ARHGAP39: variants seen among roughly 807,000 people sequenced by gnomAD.
ARHGAP39 encodes the protein rho GTPase-activating protein 39.
Under a neutral mutation model 106.9 loss-of-function variants are expected in ARHGAP39, and 44 were observed. That is an observed-to-expected ratio of 0.41 (90% confidence interval 0.32 to 0.53). ARHGAP39 has a LOEUF of 0.53. ARHGAP39 is among the 20% of genes least tolerant of loss of function. The pLI is 0.21. For synonymous variants in ARHGAP39, 768 were observed against 693.2 expected, an observed-to-expected ratio of 1.11 and a Z score of -1.69; for missense variants, 1,496 against 1,577.3, an observed-to-expected ratio of 0.95 and a Z score of 0.87.
At chr8:144,582,934 T>G (rs1450329122) in intron 2 of ARHGAP39, among the ~76,000 whole-genome samples, 2 of 151,852 alleles carry the variant, frequency 1.3e-5, no homozygotes, top group African/African-American at 4.8e-5. Flanking sequence ...TGCCAACAAC[T>G]CCCCCCAAAC....
chr8:144,572,462 A>G (rs1331033290), intron 3 of ARHGAP39, among the ~76,000 whole-genome samples: 1 of 152,180 alleles, frequency 6.6e-6, no homozygotes, highest in Non-Finnish European at 1.5e-5. Flanking sequence ...CTTACACCTT[A>G]TACAAAAATT....
chr8:144,569,555 T>C (rs973613449), intron 3 of ARHGAP39, among the ~76,000 whole-genome samples: 1 of 152,224 alleles, frequency 6.6e-6, no homozygotes, highest in African/African-American at 2.4e-5. Flanking sequence ...AGTCCTTTTA[T>C]GTAAAATTCT....
At chr8:144,665,391 AT>A (rs1821937561) in intron 1 of ARHGAP39, among the ~76,000 whole-genome samples, 3 of 152,240 alleles carry the variant, frequency 2.0e-5, no homozygotes, top group Admixed American at 2.0e-4. Context: ...AGCAGCACAA[AT>A]TTGCATAAGT....
At chr8:144,537,343 G>T (rs560262656) in intron 7 of ARHGAP39, among the ~76,000 whole-genome samples, 1 of 151,842 alleles carries the variant, frequency 6.6e-6, no homozygotes, top group Non-Finnish European at 1.5e-5. Context: ...ACAGGACTGA[G>T]GGGTGCTTGT....
At position 144,586,239 on chromosome 8, in the gene ARHGAP39, C is replaced by T. The variant is rs1819181283; in HGVS notation, c.81-4962G>A. On this transcript the variant is annotated intron_variant, in intron 2 of 11. Transcript: ENST00000377307. The surrounding 1 kb of genome is among the most constrained non-coding windows in gnomAD (Gnocchi z 4.2). ...CAAGTGATCTGCCCGCCTTGGCTTC[C>T]CAAAGTGTTGGGATTACAGGAGTGA... The T allele has an allele frequency of 6.6e-6, 1 of 152,300 alleles. No individual in the cohort carries two copies. The highest frequency in any genetic ancestry group is 1.5e-5 in the Non-Finnish European group (1 of 68,100). The allele number at this position is 152,300 out of a possible 1,614,324, so 9.4% of individuals were successfully genotyped here. A position where few individuals can be genotyped will look rare whatever the true frequency, so the allele number is the denominator to read the frequency against.
intron 2 of ARHGAP39, among the ~76,000 whole-genome samples, chr8:144,601,153 C>A (rs1354348096): frequency 2.4e-5 from 3 of 122,564 alleles, no homozygotes; most frequent in African/African-American, 6.3e-5. Flanking sequence ...TGCTCGTGTA[C>A]CTGTGTGTGT....
chr8:144,630,846 T>C (rs553330386), intron 1 of ARHGAP39, among the ~76,000 whole-genome samples: 3 of 152,394 alleles, frequency 2.0e-5, no homozygotes, highest in South Asian at 4.1e-4. Context: ...AGTAAGTTTC[T>C]GTTGTCTATA....
At chr8:144,636,407 T>C (rs1338520290) in intron 1 of ARHGAP39, among the ~76,000 whole-genome samples, 1 of 152,128 alleles carries the variant, frequency 6.6e-6, no homozygotes, top group Non-Finnish European at 1.5e-5. Context: ...ACTGAGGGAC[T>C]AGGGGGAGGA....
chr8:144,695,804 T>C, the ARHGAP39 span, among the ~76,000 whole-genome samples: 1 of 152,162 alleles, frequency 6.6e-6, no homozygotes, highest in Non-Finnish European at 1.5e-5. Context: ...ACGCGGGTCG[T>C]TGGGCGTTAT....
chr8:144,602,070 CAT>C (rs1563700198), intron 2 of ARHGAP39, among the ~76,000 whole-genome samples: 1 of 122,964 alleles, frequency 8.1e-6, no homozygotes. Flanking sequence ...CGTGCGTGCT[CAT>C]GTACCTGTGT....
intron 6 of ARHGAP39, among the ~76,000 whole-genome samples, chr8:144,543,092 C>T (rs112490696): frequency 9.2e-5 from 14 of 152,102 alleles, no homozygotes; most frequent in Admixed American, 2.6e-4. Flanking sequence ...GCCTCAGCCT[C>T]CCAAGTAGTT....
chr8:144,616,455 G>A (rs558446457), intron 1 of ARHGAP39, among the ~76,000 whole-genome samples: 1 of 152,342 alleles, frequency 6.6e-6, no homozygotes, highest in African/African-American at 2.4e-5. Context: ...CACTACAAGG[G>A]TCAGACCCCT....
In ARHGAP39 at chr8:144,537,776, A is replaced by G. The variant is rs762776353; in HGVS notation, c.2559T>C (p.Thr853=). 5.6e-6 allele frequency: 9 copies of G among 1,614,062 alleles called. No homozygotes were observed. Among genetic ancestry groups the G allele is most frequent in the Admixed American group, 1.7e-5 (1 of 60,024 alleles). ...TCTTTCTCAATTTGGACTTCTTCTT[A>G]GTGTTTCTTTCCAGGAGCTCTTTTA... ...QHIKELLERN[T]KKKSKLRKKP... The change falls in exon 7 of 12, where the codon ACT becomes ACC. Residue 853 remains threonine (T), a synonymous_variant. Transcript: ENST00000377307.
chr8:144,695,849 C>T, the ARHGAP39 span, among the ~76,000 whole-genome samples: 2 of 152,316 alleles, frequency 1.3e-5, no homozygotes, highest in African/African-American at 4.8e-5. Flanking sequence ...GCGGATATTG[C>T]TCGCCACAGT....
intron 2 of ARHGAP39, among the ~76,000 whole-genome samples, chr8:144,601,252 G>GTGCA (rs1491490233): frequency 1.4e-5 from 2 of 141,198 alleles, no homozygotes; most frequent in East Asian, 2.2e-4. Flanking sequence ...GCATGGAGGC[G>GTGCA]TGTGTGCTCG....
At chr8:144,602,587 T>G (rs1400015465) in intron 2 of ARHGAP39, among the ~76,000 whole-genome samples, 1 of 99,510 alleles carries the variant, frequency 1.0e-5, no homozygotes. Flanking sequence ...TGTGCATGTG[T>G]GTGGAGGTGT....
chr8:144,561,837 G>A (rs926404052), intron 3 of ARHGAP39, among the ~76,000 whole-genome samples: 1 of 132,248 alleles, frequency 7.6e-6, no homozygotes, highest in African/African-American at 3.0e-5. Flanking sequence ...GTTTCCATCG[G>A]GCTCCAGTGG....
At chr8:144,554,308 C>T (rs930044760) in intron 4 of ARHGAP39, among the ~76,000 whole-genome samples, 13 of 152,306 alleles carry the variant, frequency 8.5e-5, no homozygotes, top group South Asian at 2.1e-4. Context: ...CTTAGCTCAG[C>T]GACCCACCCC....
rs1008858480 is a variant in ARHGAP39, at chr8:144,585,685, T to C, written c.81-4408A>G. 1.3e-5 allele frequency among the ~76,000 whole-genome samples: 2 copies of C among 152,194 alleles called. No homozygotes were observed. Among genetic ancestry groups the C allele is most frequent in the Non-Finnish European group, 2.9e-5 (2 of 68,024 alleles). On this transcript the variant is annotated intron_variant, in intron 2 of 11. Coordinates refer to ENST00000377307, the MANE Select transcript of ARHGAP39 (RefSeq NM_025251.3). This position sits in a 1 kb window ranked among gnomAD's most constrained non-coding sequence, Gnocchi z 4.6. The stretch of plus-strand genomic sequence containing the variant: ...TGGCGGGGCCAGGACCTCCCGCCCA[T>C]GGTGCCACGCGCTGCAGCCTGGGCC...
Sources: allele counts gnomAD v4.1 joint callset (sites outside exome capture counted in the v4.1 genomes callset), GRCh38; gene constraint gnomAD v4.1.1; non-coding constraint Gnocchi (gnomAD v3.1); transcripts MANE v1.5; gene names NCBI Gene and HGNC (gene_info 2026-07-23, HGNC 2026-07-21).